UBE2E2: variants seen among roughly 807,000 people sequenced by gnomAD.
UBE2E2 encodes ubiquitin-conjugating enzyme E2 E2.
Under a neutral mutation model 24.7 loss-of-function variants are expected in UBE2E2, and 6 were observed. The ratio of observed to expected loss-of-function variants is 0.24; its 90% confidence interval spans 0.13 to 0.48. The LOEUF is 0.48. Among genes scored for constraint, UBE2E2 ranks in the 20% least tolerant of loss-of-function variants. The probability of loss-of-function intolerance (pLI) is 0.99; values close to 1 mark genes in which losing one functional copy is unlikely to be tolerated. For missense variants in UBE2E2, 169 were observed against 245.0 expected (o/e 0.69, Z 2.07); for synonymous variants, 104 against 83.6 (o/e 1.24, Z -1.33).
intron 3 of UBE2E2, among the ~76,000 whole-genome samples, chr3:23,322,612 A>G (rs774389364): frequency 2.4e-4 from 37 of 152,000 alleles, no homozygotes; most frequent in African/African-American, 4.8e-4. Flanking sequence ...GATGGTTTGA[A>G]CCTTATATTT....
In UBE2E2 at chr3:23,406,369, C is replaced by T. The variant is rs185827238; in HGVS notation, c.228-93239C>T. Among the ~76,000 whole-genome samples, 220 of 152,272 alleles carry T rather than the reference C, an allele frequency of 1.4e-3. 4 individuals are homozygous for T. The highest frequency in any genetic ancestry group is 2.9e-3 in the South Asian group (14 of 4,824). On this transcript the variant is annotated intron_variant, in intron 3 of 5. Transcript: ENST00000396703. ...CTTTCACATACTACTTGTATGACCT[C>T]GAACTGATATGTTTAACTCTTTGAC...
chr3:23,525,309 C>T (rs1397162467), intron 4 of UBE2E2, among the ~76,000 whole-genome samples: 2 of 152,154 alleles, frequency 1.3e-5, no homozygotes, highest in African/African-American at 4.8e-5. Flanking sequence ...AGGATGTGGA[C>T]ATCTTTGGGG....
chr3:23,399,803 A>G (rs1401667473), intron 3 of UBE2E2, among the ~76,000 whole-genome samples: 1 of 152,184 alleles, frequency 6.6e-6, no homozygotes, highest in Non-Finnish European at 1.5e-5. Context: ...ACTGTTTATC[A>G]TTTGCATCAT....
intron 3 of UBE2E2, among the ~76,000 whole-genome samples, chr3:23,412,120 C>A (rs1182437906): frequency 1.3e-5 from 2 of 151,750 alleles, no homozygotes; most frequent in Non-Finnish European, 2.9e-5. Flanking sequence ...GAAAGCTCCC[C>A]CCAAGATGGT....
chr3:23,358,879 C>G (rs1008211431), intron 3 of UBE2E2, among the ~76,000 whole-genome samples: 1 of 152,092 alleles, frequency 6.6e-6, no homozygotes. Context: ...CTCCTTTGGT[C>G]CTATTATTAC....
intron 4 of UBE2E2, among the ~76,000 whole-genome samples, chr3:23,515,120 G>GT (rs1694698584): frequency 6.8e-6 from 1 of 148,018 alleles, no homozygotes; most frequent in African/African-American, 2.5e-5. Flanking sequence ...ATAAACTTGG[G>GT]GTGTGTGTGT....
At chr3:23,317,205 T>C (rs1694606471) in intron 3 of UBE2E2, among the ~76,000 whole-genome samples, 1 of 152,218 alleles carries the variant, frequency 6.6e-6, no homozygotes. Flanking sequence ...CCTTGTGGCC[T>C]AGACAGCCTT....
intron 2 of UBE2E2, among the ~76,000 whole-genome samples, chr3:23,213,836 C>T (rs6550746): frequency 0.7 from 106,878 of 152,036 alleles, 38,507 homozygotes; most frequent in African/African-American, 0.85. Context: ...TCACTTTTAA[C>T]GGTAAAAGAT....
intron 3 of UBE2E2, among the ~76,000 whole-genome samples, chr3:23,482,692 C>T (rs1256860084): frequency 6.6e-6 from 1 of 152,012 alleles, no homozygotes; most frequent in African/African-American, 2.4e-5. Context: ...AAGCCTAATT[C>T]TTTCATGAAA....
intron 3 of UBE2E2, among the ~76,000 whole-genome samples, chr3:23,402,001 C>A (rs1202943535): frequency 6.6e-6 from 1 of 151,922 alleles, no homozygotes; most frequent in Admixed American, 6.6e-5. Flanking sequence ...GGATTACAGG[C>A]GTGCACTACC....
intron 5 of UBE2E2, among the ~76,000 whole-genome samples, chr3:23,555,501 C>A (rs570211782): frequency 7.9e-5 from 12 of 152,186 alleles, no homozygotes; most frequent in African/African-American, 2.9e-4. Context: ...CCCATCATTC[C>A]CTCTGCTGGA....
chr3:23,282,282 A>G (rs1698506894), intron 3 of UBE2E2, among the ~76,000 whole-genome samples: 1 of 152,212 alleles, frequency 6.6e-6, no homozygotes, highest in Non-Finnish European at 1.5e-5. Flanking sequence ...TATTCCCTGT[A>G]TAGTTGGCGC....
At chr3:23,381,047 T>A (rs1696657163) in intron 3 of UBE2E2, among the ~76,000 whole-genome samples, 1 of 152,226 alleles carries the variant, frequency 6.6e-6, no homozygotes, top group African/African-American at 2.4e-5. Context: ...GAATAGAATC[T>A]TCATGCCTCC....
At chr3:23,289,233 A>G (rs181990179) in intron 3 of UBE2E2, among the ~76,000 whole-genome samples, 2 of 152,342 alleles carry the variant, frequency 1.3e-5, no homozygotes, top group Admixed American at 1.3e-4. Context: ...AAATACGGCT[A>G]AAGTGGAAAC....
intron 3 of UBE2E2, among the ~76,000 whole-genome samples, chr3:23,232,345 G>C (rs1696998403): frequency 6.6e-6 from 1 of 152,192 alleles, no homozygotes; most frequent in Non-Finnish European, 1.5e-5. Context: ...ATTATTGCAT[G>C]TTGTTTCATA....
At chr3:23,451,251 G>T (rs540619347) in intron 3 of UBE2E2, among the ~76,000 whole-genome samples, 22 of 152,152 alleles carry the variant, frequency 1.4e-4, no homozygotes, top group Middle Eastern at 3.4e-3. Context: ...TTGAAAAATT[G>T]CTCATGTCAA....
At chr3:23,284,860 A>C (rs1243254827) in intron 3 of UBE2E2, among the ~76,000 whole-genome samples, 1 of 151,452 alleles carries the variant, frequency 6.6e-6, no homozygotes, top group Non-Finnish European at 1.5e-5. Flanking sequence ...GTCTGTTCTA[A>C]ATTTATAATT....
intron 5 of UBE2E2, among the ~76,000 whole-genome samples, chr3:23,572,988 G>A (rs1696260824): frequency 6.6e-6 from 1 of 152,060 alleles, no homozygotes; most frequent in African/African-American, 2.4e-5. Flanking sequence ...GGGGTGAAAT[G>A]CTTTAATTGC....
intron 3 of UBE2E2, among the ~76,000 whole-genome samples, chr3:23,234,827 G>A (rs1487818944): frequency 6.6e-6 from 1 of 152,182 alleles, no homozygotes; most frequent in Non-Finnish European, 1.5e-5. Flanking sequence ...GTTTGATAAA[G>A]CAGCTAGTCA....
Sources: gnomAD v4.1 joint callset for allele counts (sites outside exome capture counted in the v4.1 genomes callset) on GRCh38, gnomAD v4.1.1 for gene constraint, MANE v1.5 for transcripts, NCBI Gene and HGNC (gene_info 2026-07-23, HGNC 2026-07-21) for gene names.